The following ANXA4 variants were observed in gnomAD, a reference collection of about 807,000 sequenced individuals.
The protein encoded by ANXA4 is 35-beta calcimedin.
ANXA4 carries 39 observed loss-of-function variants against 49.8 expected under a neutral mutation model. The observed-to-expected ratio is 0.78, with a 90% CI of 0.61 to 1.02. The LOEUF (loss-of-function observed/expected upper bound fraction) is 1.02. ANXA4 is among the 50% of genes least tolerant of loss of function. The pLI is 0.00. For missense variants in ANXA4, 360 were observed against 410.1 expected, an observed-to-expected ratio of 0.88 and a Z score of 1.05; for synonymous variants, 134 against 152.5, an observed-to-expected ratio of 0.88 and a Z score of 0.89.
At chr2:69,743,162 C>T (rs574185694) in intron 1 of ANXA4, among the ~76,000 whole-genome samples, 22 of 152,244 alleles carry the variant, frequency 1.4e-4, no homozygotes, top group Non-Finnish European at 7.4e-5. Flanking sequence ...CATGCCACCA[C>T]GTGCCTATAG....
rs545170174 is a variant in ANXA4 at position 69,673,828 on chromosome 2, C to T, written n.766+20546C>T. On this transcript the variant is annotated intron_variant and non_coding_transcript_variant, in intron 2 of 3. Transcript: ENST00000418066. ...TCAGTGGCCCTAGCCCAGTGCCAAA[C>T]AGGACTGTGGGCTGGGAGAATCCCC... Among the ~76,000 whole-genome samples, 8 of 152,206 alleles carry T rather than the reference C, an allele frequency of 5.3e-5. No individual in the cohort carries two copies. The East Asian group carries it at 1.5e-3, about 29-fold the overall frequency.
At chr2:69,756,424 ATAAAG>A (rs1336193820) in intron 1 of ANXA4, among the ~76,000 whole-genome samples, 1 of 152,248 alleles carries the variant, frequency 6.6e-6, no homozygotes, top group African/African-American at 2.4e-5. Context: ...ACTAGTAGAA[ATAAAG>A]TAAGATCATT....
chr2:69,685,019 T>C (rs922721338), intron 2 of ANXA4, among the ~76,000 whole-genome samples: 1 of 152,140 alleles, frequency 6.6e-6, no homozygotes, highest in Non-Finnish European at 1.5e-5. Context: ...CCAACAATCG[T>C]CAGGGATATT....
intron 1 of ANXA4, 27 bp downstream of exon 1, chr2:69,742,202 CG>C: frequency 6.6e-6 from 1 of 152,382 alleles, no homozygotes; most frequent in Non-Finnish European, 1.5e-5. Context: ...GGCTCCGGGC[CG>C]GGGGTCCTGG....
At position 69,818,695 on chromosome 2, in the gene ANXA4, G is replaced by A. The variant is rs1674105502; in HGVS notation, c.724+1G>A. On this transcript the variant is annotated splice_donor_variant, in intron 10 of 12. Coordinates refer to ENST00000394295, the MANE Select transcript of ANXA4 (RefSeq NM_001153.5). LOFTEE classifies it high-confidence loss of function. ...TTTGAAGATGCTCTGCTGGCTATAG[G>A]TAAGCTGGTAGGGGGAGTAGAGAAA... The A allele has an allele frequency of 6.3e-7, 1 of 1,596,762 alleles. No homozygotes were observed. Among genetic ancestry groups the A allele is most frequent in the African/African-American group, 1.3e-5 (1 of 74,402 alleles).
At chr2:69,674,870 AT>A (rs1559067982) in intron 2 of ANXA4, among the ~76,000 whole-genome samples, 1 of 148,738 alleles carries the variant, frequency 6.7e-6, no homozygotes, top group African/African-American at 2.5e-5. Flanking sequence ...ACTATTGATA[AT>A]TTTTTTAAAA....
At chr2:69,687,449 A>G (rs763270957) in intron 2 of ANXA4, among the ~76,000 whole-genome samples, 2 of 152,050 alleles carry the variant, frequency 1.3e-5, no homozygotes, top group Middle Eastern at 3.4e-3. Flanking sequence ...CAGAGATTGA[A>G]GGGAACTGGG....
intron 2 of ANXA4, among the ~76,000 whole-genome samples, chr2:69,654,261 T>C (rs1676356118): frequency 6.6e-6 from 1 of 152,218 alleles, no homozygotes; most frequent in Admixed American, 6.5e-5. Context: ...CTCTTTCTAT[T>C]TGAATACTCT....
At chr2:69,770,778 T>C (rs1671675704) in intron 1 of ANXA4, among the ~76,000 whole-genome samples, 1 of 151,978 alleles carries the variant, frequency 6.6e-6, no homozygotes, top group Admixed American at 6.6e-5. Flanking sequence ...CACACACATA[T>C]TGCTAATTTA....
At chr2:69,799,942 G>C (rs928185198) in intron 3 of ANXA4, among the ~76,000 whole-genome samples, 4 of 152,212 alleles carry the variant, frequency 2.6e-5, no homozygotes, top group African/African-American at 7.2e-5. Context: ...CTATGTGTCA[G>C]ACATAGAGAT....
intron 10 of ANXA4, 77 bp downstream of exon 10, chr2:69,818,771 T>A: frequency 1.1e-6 from 1 of 890,172 alleles, no homozygotes; most frequent in Non-Finnish European, 1.8e-6. Flanking sequence ...TATGGGGATA[T>A]AGAATTATTT....
intron 2 of ANXA4, among the ~76,000 whole-genome samples, chr2:69,660,590 G>A (rs745572044): frequency 1.3e-5 from 2 of 151,966 alleles, no homozygotes; most frequent in Non-Finnish European, 2.9e-5. Flanking sequence ...CCTATGATTA[G>A]GAAAAAGAGT....
chr2:69,653,665 G>T (rs1044983509), intron 2 of ANXA4, among the ~76,000 whole-genome samples: 1 of 152,174 alleles, frequency 6.6e-6, no homozygotes, highest in Non-Finnish European at 1.5e-5. Context: ...TTGCCCTCTT[G>T]CCTAAGCTGA....
At chr2:69,766,622 A>C (rs1435293176) in intron 1 of ANXA4, among the ~76,000 whole-genome samples, 2 of 152,214 alleles carry the variant, frequency 1.3e-5, no homozygotes. Flanking sequence ...ATTAGCAACT[A>C]GGCCAGGAAG....
At chr2:69,773,621 CTT>C (rs67161210) in intron 1 of ANXA4, among the ~76,000 whole-genome samples, 2,810 of 92,738 alleles carry the variant, frequency 0.03, 33 homozygotes, top group African/African-American at 0.087. Flanking sequence ...TTCTTTCCTT[CTT>C]TTTTTTTTTT....
At chr2:69,808,454 A>G (rs1232727623) in intron 6 of ANXA4, 1 of 155,136 alleles carries the variant, frequency 6.4e-6, no homozygotes, top group Admixed American at 6.4e-5. Context: ...GATACGTATG[A>G]AGTGCCTTTA....
intron 2 of ANXA4, among the ~76,000 whole-genome samples, chr2:69,667,332 G>A (rs1159787869): frequency 2.6e-5 from 4 of 151,912 alleles, no homozygotes; most frequent in African/African-American, 7.2e-5. Flanking sequence ...TGAATACCTC[G>A]ACAAAGCTAT....
chr2:69,755,180 G>T (rs759991201), intron 1 of ANXA4, among the ~76,000 whole-genome samples: 9 of 152,224 alleles, frequency 5.9e-5, no homozygotes, highest in Non-Finnish European at 8.8e-5. Flanking sequence ...GTTACCAAGG[G>T]CTAAGGTGAG....
At chr2:69,726,447 C>T (rs1669964644) in intron 3 of ANXA4, among the ~76,000 whole-genome samples, 2 of 152,350 alleles carry the variant, frequency 1.3e-5, no homozygotes, top group South Asian at 4.1e-4. Flanking sequence ...CATTTGTCAG[C>T]TTACACTAGC....
Sources: gnomAD v4.1 joint callset for allele counts (sites outside exome capture counted in the v4.1 genomes callset) on GRCh38, gnomAD v4.1.1 for gene constraint, MANE v1.5 for transcripts, NCBI Gene and HGNC (gene_info 2026-07-23, HGNC 2026-07-21) for gene names.